Variants in SYT9 observed in about 807,000 individuals in gnomAD.
SYT9 encodes synaptotagmin-9.
SYT9 carries 22 observed loss-of-function variants against 48.4 expected under a neutral mutation model. The observed-to-expected ratio is 0.45, with a 90% CI of 0.32 to 0.65. The LOEUF (loss-of-function observed/expected upper bound fraction) is 0.65. Ranked by LOEUF, SYT9 falls within the 30% of genes least tolerant of loss-of-function variation. The probability of loss-of-function intolerance (pLI) is 0.03; values close to 1 mark genes in which losing one functional copy is unlikely to be tolerated. For missense variants in SYT9, 577 were observed against 622.0 expected, an observed-to-expected ratio of 0.93 and a Z score of 0.77; for synonymous variants, 265 against 245.0, an observed-to-expected ratio of 1.08 and a Z score of -0.76.
intron 1 of SYT9, among the ~76,000 whole-genome samples, chr11:7,241,001 G>A (rs895820391): frequency 6.6e-5 from 10 of 151,960 alleles, no homozygotes; most frequent in African/African-American, 2.4e-4. Context: ...ACAAACCTGA[G>A]GAATTCTAAT....
intron 3 of SYT9, among the ~76,000 whole-genome samples, chr11:7,378,632 GA>G (rs1195401785): frequency 4.0e-5 from 6 of 150,886 alleles, no homozygotes; most frequent in African/African-American, 7.3e-5. Flanking sequence ...AAAAAAAAAA[GA>G]AAAAAAATCC....
intron 6 of SYT9, among the ~76,000 whole-genome samples, chr11:7,446,696 G>A (rs1455454057): frequency 1.3e-5 from 2 of 152,242 alleles, no homozygotes; most frequent in African/African-American, 4.8e-5. Flanking sequence ...AGGGGAAGCA[G>A]GAGGGGATGC....
At chr11:7,291,119 C>T (rs911402313) in intron 1 of SYT9, among the ~76,000 whole-genome samples, 11 of 152,262 alleles carry the variant, frequency 7.2e-5, no homozygotes, top group East Asian at 1.9e-4. Context: ...CACTCATCTG[C>T]CACCCTCCAA....
At chr11:7,446,364 A>G (rs1219852910) in intron 6 of SYT9, among the ~76,000 whole-genome samples, 1 of 152,244 alleles carries the variant, frequency 6.6e-6, no homozygotes, top group African/African-American at 2.4e-5. Flanking sequence ...TGTGTGCTCA[A>G]TGGATATTAG....
chr11:7,427,678 A>G (rs1590021144), intron 6 of SYT9: 1 of 152,258 alleles, frequency 6.6e-6, no homozygotes, highest in African/African-American at 2.4e-5. Flanking sequence ...GAAGAGAAAA[A>G]TAATAGGAAT....
intron 1 of SYT9, among the ~76,000 whole-genome samples, chr11:7,269,669 T>C (rs1287613669): frequency 6.6e-6 from 1 of 152,196 alleles, no homozygotes; most frequent in Admixed American, 6.6e-5. Flanking sequence ...TCTACTCTTC[T>C]AGAGTAACCT....
In SYT9 at chr11:7,252,612, G is replaced by C. The variant is rs1160878254; in HGVS notation, c.145+281G>C. On this transcript the variant is annotated intron_variant, in intron 1 of 6. Coordinates refer to ENST00000318881, the MANE Select transcript of SYT9 (RefSeq NM_175733.4). The surrounding 1 kb of genome is among the most constrained non-coding windows in gnomAD (Gnocchi z 6.3). ...CGCTCCCATCGCCAAGGCTCCTGGG[G>C]GCGGCTCCCTAGCTCCGAGCTACGC... Among the ~76,000 whole-genome samples the C allele has an allele frequency of 6.6e-6, 1 of 152,214 alleles. No individual in the cohort carries two copies. Among genetic ancestry groups the C allele is most frequent in the Non-Finnish European group, 1.5e-5 (1 of 68,036 alleles).
At chr11:7,420,738 TA>T in intron 6 of SYT9, 103 bp downstream of exon 6, 12 of 1,438,634 alleles carry the variant, frequency 8.3e-6, no homozygotes, top group African/African-American at 1.4e-5. Context: ...TCTATGGTCA[TA>T]GACGGGTTTT....
chr11:7,460,431 T>C (rs1159399243), intron 6 of SYT9, among the ~76,000 whole-genome samples: 1 of 152,132 alleles, frequency 6.6e-6, no homozygotes, highest in African/African-American at 2.4e-5. Context: ...CTGTGAATAT[T>C]TCAAGCTAAA....
Position 7,313,268 on chromosome 11 carries a change from C to A in SYT9, c.498-127C>A, listed in dbSNP as rs74053708. 4,230 of 971,912 alleles carry A rather than the reference C, an allele frequency of 4.4e-3. 133 individuals carry two copies. In the African/African-American group the frequency reaches 0.061, roughly 14 times the overall value. The allele number at this position is 971,912 out of a possible 1,614,324, so 60.2% of individuals were successfully genotyped here. On this transcript the variant is annotated intron_variant, in intron 2 of 6. Transcript: ENST00000318881. ...ATTTTGAATTTAGGCCACACACACACAAAAAAGGCCCACAGATCTAAGCTC... is the reference window on the plus strand; with the variant it reads ...ATTTTGAATTTAGGCCACACACACAAAAAAAAGGCCCACAGATCTAAGCTC...
chr11:7,299,390 T>TA (rs1432864770), intron 1 of SYT9, among the ~76,000 whole-genome samples: 2 of 152,162 alleles, frequency 1.3e-5, no homozygotes, highest in African/African-American at 4.8e-5. Flanking sequence ...TCTAGACAAT[T>TA]ATGCTTGGTG....
chr11:7,282,374 C>T (rs996616135), intron 1 of SYT9, among the ~76,000 whole-genome samples: 10 of 152,078 alleles, frequency 6.6e-5, no homozygotes, highest in Non-Finnish European at 1.2e-4. Flanking sequence ...ATACAAATCT[C>T]CTAAGGGGAT....
chr11:7,370,369 T>G (rs1850339947), intron 3 of SYT9, among the ~76,000 whole-genome samples: 1 of 152,192 alleles, frequency 6.6e-6, no homozygotes, highest in East Asian at 1.9e-4. Flanking sequence ...GCCCCTATTT[T>G]GAAGCCAGAT....
chr11:7,244,857 G>A (rs749342032), intron 1 of SYT9, among the ~76,000 whole-genome samples: 18 of 152,200 alleles, frequency 1.2e-4, no homozygotes, highest in Admixed American at 3.3e-4. Flanking sequence ...TTCATCCATG[G>A]CATGTTGAGA....
chr11:7,348,531 G>A (rs1168470401), intron 3 of SYT9, among the ~76,000 whole-genome samples: 3 of 152,036 alleles, frequency 2.0e-5, no homozygotes, highest in Non-Finnish European at 4.4e-5. Context: ...GTGACTCACA[G>A]ATACTGAACA....
At chr11:7,313,091 GA>G (rs1849170266) in intron 2 of SYT9, among the ~76,000 whole-genome samples, 1 of 152,110 alleles carries the variant, frequency 6.6e-6, no homozygotes, top group South Asian at 2.1e-4. Flanking sequence ...TCCACCAGAG[GA>G]ATAAGCTTCT....
chr11:7,401,974 A>G (rs1182790721), intron 3 of SYT9, among the ~76,000 whole-genome samples: 1 of 151,820 alleles, frequency 6.6e-6, no homozygotes, highest in East Asian at 1.9e-4. Context: ...ATAAGCATTT[A>G]CCGCTATAGA....
Position 7,468,056 on chromosome 11 carries a change from C to G in SYT9, c.*1256C>G. The G allele has an allele frequency of 2.6e-6, 1 of 384,942 alleles. No homozygotes were observed. The highest frequency in any genetic ancestry group is 4.6e-6 in the Non-Finnish European group (1 of 217,786). The allele number at this position is 384,942 out of a possible 1,614,324, so 23.8% of individuals were successfully genotyped here. ...TCCTGGGAGGACTGGGGGCTGTTACCTAATGGTCCTCTCTGTCCCATTATA... is the reference window on the plus strand; with the variant it reads ...TCCTGGGAGGACTGGGGGCTGTTACGTAATGGTCCTCTCTGTCCCATTATA... On this transcript the variant is annotated 3_prime_UTR_variant, in exon 7 of 7. Coordinates refer to ENST00000318881, the MANE Select transcript of SYT9 (RefSeq NM_175733.4).
chr11:7,308,581 T>C (rs909149137), intron 2 of SYT9, among the ~76,000 whole-genome samples: 1 of 152,206 alleles, frequency 6.6e-6, no homozygotes, highest in Non-Finnish European at 1.5e-5. Context: ...TATTGACGTC[T>C]ACAGCATCCG....
Sources: gnomAD v4.1 joint callset for allele counts (sites outside exome capture counted in the v4.1 genomes callset) on GRCh38, gnomAD v4.1.1 for gene constraint, Gnocchi (gnomAD v3.1) non-coding constraint, MANE v1.5 for transcripts, NCBI Gene and HGNC (gene_info 2026-07-23, HGNC 2026-07-21) for gene names.